Variants in AFF3 observed in about 807,000 individuals in gnomAD.
AFF3 encodes ALF transcription elongation factor 3, also known as AF4/FMR2 family member 3.
In AFF3, 32 loss-of-function variants were observed where a neutral mutation model predicts 129.7. The observed-to-expected ratio is 0.25, with a 90% CI of 0.19 to 0.33. The LOEUF is 0.33. Ranked by LOEUF, AFF3 falls within the 10% of genes least tolerant of loss-of-function variation. AFF3 has a pLI of 1.00. For synonymous variants in AFF3, 644 were observed against 635.4 expected, an observed-to-expected ratio of 1.01 and a Z score of -0.20; for missense variants, 1,373 against 1,592.0, an observed-to-expected ratio of 0.86 and a Z score of 2.34.
intron 9 of AFF3, among the ~76,000 whole-genome samples, chr2:99,748,957 T>C (rs778278287): frequency 1.3e-5 from 2 of 152,188 alleles, no homozygotes; most frequent in South Asian, 2.1e-4. Context: ...ATTCTACATA[T>C]AGGTAATGAC....
chr2:99,736,187 T>C (rs1680238783), intron 10 of AFF3, among the ~76,000 whole-genome samples: 1 of 152,230 alleles, frequency 6.6e-6, no homozygotes, highest in South Asian at 2.1e-4. Flanking sequence ...TCTGTTTGCA[T>C]TATACAACAG....
intron 1 of AFF3, among the ~76,000 whole-genome samples, chr2:100,140,471 G>A (rs1178589575): frequency 1.3e-5 from 2 of 152,106 alleles, no homozygotes; most frequent in African/African-American, 2.4e-5. Context: ...TGGGGGATTG[G>A]GACACAGAAT....
At chr2:99,755,137 C>T (rs1156712447) in intron 8 of AFF3, among the ~76,000 whole-genome samples, 1 of 152,172 alleles carries the variant, frequency 6.6e-6, no homozygotes, top group Non-Finnish European at 1.5e-5. Flanking sequence ...TCCTTTGAAG[C>T]TCTTGCCAGG....
At chr2:99,735,862 T>C (rs1030242115) in intron 10 of AFF3, among the ~76,000 whole-genome samples, 3 of 152,250 alleles carry the variant, frequency 2.0e-5, no homozygotes, top group Non-Finnish European at 2.9e-5. Context: ...CCAGTTTTAA[T>C]ATTAGGTATT....
intron 8 of AFF3, among the ~76,000 whole-genome samples, chr2:99,814,594 C>T (rs1433394889): frequency 6.6e-6 from 1 of 152,144 alleles, no homozygotes; most frequent in Non-Finnish European, 1.5e-5. Flanking sequence ...TCTCCAATGC[C>T]AGCTCACAGG....
Position 99,582,527 on chromosome 2 carries a change from T to C in AFF3, c.2793+271A>G, listed in dbSNP as rs1677668743. Among the ~76,000 whole-genome samples the C allele has an allele frequency of 4.6e-5, 7 of 152,348 alleles. No individual in the cohort carries two copies. The South Asian group carries it at 1.4e-3, about 32-fold the overall frequency. Reference sequence around the variant, plus strand: ...TAATTTACTTTGTCCCGGGATGGTATTACTTTGAGGTCTTTTCTTTTCAGA... The same window carrying C: ...TAATTTACTTTGTCCCGGGATGGTACTACTTTGAGGTCTTTTCTTTTCAGA... On this transcript the variant is annotated intron_variant, in intron 17 of 24. Coordinates refer to ENST00000672756, the MANE Select transcript of AFF3 (RefSeq NM_001386135.1).
At chr2:99,594,494 G>C (rs554990464) in intron 14 of AFF3, among the ~76,000 whole-genome samples, 1 of 152,262 alleles carries the variant, frequency 6.6e-6, no homozygotes, top group South Asian at 2.1e-4. Flanking sequence ...TGTCCTTACC[G>C]GCCCGTGGCA....
At chr2:99,894,635 ATT>A (rs1270470875) in intron 7 of AFF3, among the ~76,000 whole-genome samples, 3 of 144,766 alleles carry the variant, frequency 2.1e-5, no homozygotes, top group Non-Finnish European at 3.1e-5. Context: ...CGCCCGGCTA[ATT>A]TTTTTTTTTT....
In AFF3 at chr2:100,136,300, T is replaced by C. The variant is rs117236135; in HGVS notation, c.-228+6184A>G. Among the ~76,000 whole-genome samples the C allele has an allele frequency of 8.6e-4, 130 of 152,012 alleles. 1 individual carries two copies. The South Asian group carries it at 0.02, about 23-fold the overall frequency. ...CAGGGCCATCGGGGGACTGGGGCGC[T>C]TCACCACCCGGAGATGTGGGAGAGG... On this transcript the variant is annotated intron_variant, in intron 1 of 24. Transcript: ENST00000672756.
chr2:99,815,777 C>T (rs1026130324), intron 8 of AFF3, among the ~76,000 whole-genome samples: 3 of 151,498 alleles, frequency 2.0e-5, no homozygotes, highest in African/African-American at 7.3e-5. Context: ...TAGTTTCTGA[C>T]AAGAAGTCCG....
At chr2:99,789,918 A>G (rs765185407) in intron 8 of AFF3, among the ~76,000 whole-genome samples, 16 of 152,252 alleles carry the variant, frequency 1.1e-4, no homozygotes, top group Non-Finnish European at 2.2e-4. Context: ...TAATTTCAAC[A>G]ATGAAAGGAA....
intron 7 of AFF3, among the ~76,000 whole-genome samples, chr2:99,945,101 A>G (rs7425132): frequency 0.22 from 34,011 of 152,112 alleles, 5,621 homozygotes; most frequent in African/African-American, 0.46. Flanking sequence ...GAGCACATGT[A>G]TAGAGGTAAC....
chr2:99,695,351 G>A (rs1676103110), intron 11 of AFF3, among the ~76,000 whole-genome samples: 2 of 152,144 alleles, frequency 1.3e-5, no homozygotes. Context: ...CCCAGGGTGG[G>A]ACCCTCATAT....
intron 2 of AFF3, among the ~76,000 whole-genome samples, chr2:100,117,491 AT>A (rs1289545283): frequency 6.6e-6 from 1 of 151,878 alleles, no homozygotes; most frequent in East Asian, 1.9e-4. Context: ...GTTATTTTTT[AT>A]TGTTTCTAGG....
chr2:100,078,492 G>T (rs975800796), intron 4 of AFF3, among the ~76,000 whole-genome samples: 6 of 152,092 alleles, frequency 3.9e-5, no homozygotes, highest in Admixed American at 6.5e-5. Context: ...GTAGGACTTG[G>T]ATTTGACCCA....
chr2:99,747,045 AG>A (rs1681218874), intron 9 of AFF3, among the ~76,000 whole-genome samples: 1 of 152,002 alleles, frequency 6.6e-6, no homozygotes, highest in African/African-American at 2.4e-5. Flanking sequence ...TTATTTATTT[AG>A]AGATGGAGTT....
At chr2:99,601,374 C>A (rs1679811749) in intron 14 of AFF3, 61 bp downstream of exon 14, 2 of 1,467,024 alleles carry the variant, frequency 1.4e-6, no homozygotes, top group Admixed American at 4.7e-5. Context: ...AATGCCCGGA[C>A]TTGCTATCCT....
chr2:99,966,866 G>C (rs899097398), intron 7 of AFF3, among the ~76,000 whole-genome samples: 1 of 151,920 alleles, frequency 6.6e-6, no homozygotes. Flanking sequence ...AGATAAATAT[G>C]AAAATGGGAA....
chr2:99,553,635 C>T (rs562086712), intron 24 of AFF3, among the ~76,000 whole-genome samples: 4 of 151,932 alleles, frequency 2.6e-5, no homozygotes, highest in East Asian at 1.9e-4. Flanking sequence ...GAAATATGGC[C>T]GGGTGTGGTG....
Sources: gnomAD v4.1 joint callset for allele counts (sites outside exome capture counted in the v4.1 genomes callset) on GRCh38, gnomAD v4.1.1 for gene constraint, MANE v1.5 for transcripts, NCBI Gene and HGNC (gene_info 2026-07-23, HGNC 2026-07-21) for gene names.